PIMREG: variants seen among roughly 807,000 people sequenced by gnomAD.
PIMREG encodes the protein PICALM interacting mitotic regulator.
A neutral mutation model predicts 24.3 loss-of-function variants in PIMREG; 19 were observed. That is an observed-to-expected ratio of 0.78 (90% CI 0.54 to 1.15). The LOEUF (loss-of-function observed/expected upper bound fraction) is 1.15. PIMREG is among the 50% of genes most tolerant of loss of function. The pLI is 0.00. For synonymous variants in PIMREG, 112 were observed against 124.1 expected (o/e 0.90, Z 0.65); for missense variants, 283 against 306.8 (o/e 0.92, Z 0.58).
chr17:6,447,083 G>A lies in PIMREG; in HGVS notation c.295-380G>A, dbSNP rs1163612365. On this transcript the variant is annotated intron_variant, in intron 2 of 5. Transcript: ENST00000572447. ...GTTGCTTGTATGGTCTGGAGACCAA[G>A]GTAGCTCACCCTTGGTTTTTTTTTT... Among the ~76,000 whole-genome samples, 3 of 146,944 alleles carry A rather than the reference G, an allele frequency of 2.0e-5. No homozygotes were observed. The East Asian group carries it at 5.9e-4, about 29-fold the overall frequency.
At chr17:6,446,475 AGAAAT>A (rs1913575337) in intron 2 of PIMREG, among the ~76,000 whole-genome samples, 2 of 152,216 alleles carry the variant, frequency 1.3e-5, no homozygotes, top group South Asian at 4.1e-4. Context: ...CAGGGATCAG[AGAAAT>A]GAAATGAATT....
In PIMREG at chr17:6,450,620, C is replaced by G. The variant is rs936410887; in HGVS notation, c.*273C>G. 2.7e-5 allele frequency: 14 copies of G among 516,260 alleles called. No homozygotes were observed. Among genetic ancestry groups the G allele is most frequent in the Non-Finnish European group, 4.4e-5 (13 of 293,626 alleles). The allele number at this position is 516,260 out of a possible 1,614,324, so 32.0% of individuals were successfully genotyped here. A position where few individuals can be genotyped will look rare whatever the true frequency, so the allele number is the denominator to read the frequency against. On this transcript the variant is annotated 3_prime_UTR_variant, in exon 6 of 6. Coordinates refer to ENST00000572447, the MANE Select transcript of PIMREG (RefSeq NM_019013.3). ...TCTGCTTTCCTAGGGGACTCTTGAG[C>G]TTAGAAACTCATCGTACACTTGACC...
Position 6,445,383 on chromosome 17 carries a change from TG to T in PIMREG, c.274del (p.Ala92LeufsTer25). 1.2e-6 allele frequency: 2 copies of T among 1,611,348 alleles called. No individual in the cohort carries two copies. Among genetic ancestry groups the T allele is most frequent in the Non-Finnish European group, 1.7e-6 (2 of 1,178,450 alleles). On this transcript the variant is annotated frameshift_variant, in exon 2 of 6. Coordinates refer to ENST00000572447, the MANE Select transcript of PIMREG (RefSeq NM_019013.3). LOFTEE classifies it high-confidence loss of function. ...LQAAARSAKSALGAVSQRIQE... is the reference protein window; with the variant it reads ...LQAAARSAKSXLGAVSQRIQE... ...AGGCTGCAGCTCGCTCAGCTAAGAGTGCTTTGGGTGCCGTGTCCCAGGTAAT... is the reference window on the plus strand; with the variant it reads ...AGGCTGCAGCTCGCTCAGCTAAGAGTCTTTGGGTGCCGTGTCCCAGGTAAT...
Position 6,445,240 on chromosome 17 carries a change from G to C in PIMREG, c.130G>C (p.Gly44Arg). 1 of 1,613,722 alleles carries C rather than the reference G, an allele frequency of 6.2e-7. No individual in the cohort carries two copies. The highest frequency in any genetic ancestry group is 8.5e-7 in the Non-Finnish European group (1 of 1,179,940). The change falls in exon 2 of 6, where the codon GGG becomes CGG. Residue 44 changes from glycine (G) to arginine (R), a missense_variant. Physicochemically the swap from Gly to Arg is moderately radical, Grantham distance 125. Coordinates refer to ENST00000572447, the MANE Select transcript of PIMREG (RefSeq NM_019013.3). Reference protein sequence around the residue: ...SHQETSVGALGSLCRQFQRRL... With the variant: ...SHQETSVGALRSLCRQFQRRL... ...TCAGGAGACCTCTGTAGGGGCCCTG[G>C]GGTCCCTGTGCAGACAGTTCCAAAG...
chr17:6,449,526 T>A, intron 4 of PIMREG, 119 bp downstream of exon 4: 1 of 1,049,866 alleles, frequency 9.5e-7, no homozygotes, highest in Non-Finnish European at 1.3e-6. Flanking sequence ...TCTCTGCCCC[T>A]CTCTGGGCCT....
At position 6,446,134 on chromosome 17, in the gene PIMREG, G is replaced by C. The variant is rs530115624; in HGVS notation, c.294+730G>C. Reference sequence around the variant, plus strand: ...GAGCTGCCGAGAAGGTCCAGTTAGAGGGGATTTGCTGTCAAATGAGAGCTG... The same window carrying C: ...GAGCTGCCGAGAAGGTCCAGTTAGACGGGATTTGCTGTCAAATGAGAGCTG... On this transcript the variant is annotated intron_variant, in intron 2 of 5. Transcript: ENST00000572447. 9.2e-5 allele frequency: 37 copies of C among 401,318 alleles called. 1 individual carries two copies. Among genetic ancestry groups the C allele is most frequent in the African/African-American group, 5.7e-4 (28 of 48,818 alleles). The allele number at this position is 401,318 out of a possible 1,614,324, so 24.9% of individuals were successfully genotyped here.
intron 3 of PIMREG, among the ~76,000 whole-genome samples, chr17:6,448,301 AAGAG>A (rs1555549521): frequency 3.4e-5 from 5 of 149,218 alleles, no homozygotes; most frequent in Admixed American, 3.3e-4. Flanking sequence ...AAAAAAAAAA[AAGAG>A]AGAGAGAAAG....
intron 2 of PIMREG, chr17:6,445,962 G>A (rs993621828): frequency 2.5e-6 from 1 of 398,194 alleles, no homozygotes; most frequent in Non-Finnish European, 4.4e-6. Context: ...GGAATGATCA[G>A]GAGTCCGGAA....
rs376279911 is a variant in PIMREG, at chr17:6,447,153, C to G, written c.295-310C>G. Among the ~76,000 whole-genome samples the G allele has an allele frequency of 7.2e-5, 11 of 152,164 alleles. No homozygotes were observed. The East Asian group carries it at 1.3e-3, about 19-fold the overall frequency. ...TCGAGACAGGGTCTCACTCTGTCGC[C>G]CAGGCTGGAGTGCCATGGTGCGATC... On this transcript the variant is annotated intron_variant, in intron 2 of 5. Transcript: ENST00000572447.
At chr17:6,445,983 A>C (rs1377957200) in intron 2 of PIMREG, 2 of 399,674 alleles carry the variant, frequency 5.0e-6, no homozygotes, top group African/African-American at 4.1e-5. Flanking sequence ...GATTCTAAAC[A>C]GTGGAAAGTC....
At chr17:6,449,119 G>C (rs1209379032) in intron 3 of PIMREG, among the ~76,000 whole-genome samples, 193 bp from the exon 4 acceptor site, 1 of 152,210 alleles carries the variant, frequency 6.6e-6, no homozygotes, top group Non-Finnish European at 1.5e-5. Context: ...ACTTGCCCGT[G>C]ACCTTGGCCT....
At chr17:6,449,449 G>A (rs1260175718) in intron 4 of PIMREG, 42 bp downstream of exon 4, 3 of 1,558,190 alleles carry the variant, frequency 1.9e-6, no homozygotes, top group South Asian at 1.2e-5. Flanking sequence ...GGGCCGGGAG[G>A]GCCCCTCCAG....
intron 4 of PIMREG, 46 bp from the exon 5 acceptor site, chr17:6,449,982 A>G (rs1449977928): frequency 1.9e-6 from 3 of 1,602,462 alleles, no homozygotes; most frequent in South Asian, 2.2e-5. Context: ...GGGCCCTCTC[A>G]GAGCCCACCA....
Position 6,444,965 on chromosome 17 carries a change from C to CCCCGCCA in PIMREG, c.-35-107_-35-101dup. On this transcript the variant is annotated intron_variant, in intron 1 of 5. Transcript: ENST00000572447. This position sits in a 1 kb window ranked among gnomAD's most constrained non-coding sequence, Gnocchi z 4.3. ...CACCCACACTTACCAACTCGCCCGCCCCCGCCACCCCGCTGCATCCCGTCT... is the reference window on the plus strand; with the variant it reads ...CACCCACACTTACCAACTCGCCCGCCCCCGCCACCCGCCACCCCGCTGCATCCCGTCT... The CCCCGCCA allele has an allele frequency of 1.2e-6, 1 of 845,056 alleles. No homozygotes were observed. The highest frequency in any genetic ancestry group is 1.7e-6 in the Non-Finnish European group (1 of 585,772). 52.3% of individuals were successfully genotyped at this position (845,056 alleles called of 1,614,324 possible).
chr17:6,448,731 G>A (rs1913688550), intron 3 of PIMREG, among the ~76,000 whole-genome samples: 1 of 152,196 alleles, frequency 6.6e-6, no homozygotes, highest in South Asian at 2.1e-4. Flanking sequence ...CCAATCGGCA[G>A]TCCCTGGCAG....
At chr17:6,447,270 C>T in intron 2 of PIMREG, 193 bp from the exon 3 acceptor site, 1 of 591,924 alleles carries the variant, frequency 1.7e-6, no homozygotes, top group African/African-American at 1.9e-5. Flanking sequence ...CGCCACCGCG[C>T]CTGGCTAATT....
chr17:6,446,660 A>G (rs1436040427), intron 2 of PIMREG, among the ~76,000 whole-genome samples: 1 of 152,236 alleles, frequency 6.6e-6, no homozygotes, highest in Non-Finnish European at 1.5e-5. Flanking sequence ...GGCAACAAGA[A>G]GCCACAGAAG....
At position 6,445,069 on chromosome 17, in the gene PIMREG, T is replaced by C; in HGVS notation, c.-35-7T>C. The C allele has an allele frequency of 4.6e-6, 7 of 1,519,044 alleles. No individual in the cohort carries two copies. The highest frequency in any genetic ancestry group is 6.2e-6 in the Non-Finnish European group (7 of 1,134,074). 94.1% of individuals were successfully genotyped at this position (1,519,044 alleles called of 1,614,324 possible). On this transcript the variant is annotated splice_polypyrimidine_tract_variant and splice_region_variant and intron_variant, in intron 1 of 5. Coordinates refer to ENST00000572447, the MANE Select transcript of PIMREG (RefSeq NM_019013.3). ...CTTGCTGATCTGCCTTTCGCCCTCC[T>C]CCCCAGGGTCTAGTGGACAGAGAAG...
chr17:6,449,740 G>A, intron 4 of PIMREG: 1 of 1,395,622 alleles, frequency 7.2e-7, no homozygotes, highest in Non-Finnish European at 9.3e-7. Flanking sequence ...GCCTGCCTAT[G>A]GAATTGGGAA....
Sources: allele counts gnomAD v4.1 joint callset (sites outside exome capture counted in the v4.1 genomes callset), GRCh38; gene constraint gnomAD v4.1.1; non-coding constraint Gnocchi (gnomAD v3.1); transcripts MANE v1.5; gene names NCBI Gene and HGNC (gene_info 2026-07-23, HGNC 2026-07-21).